SMG1: variants seen among roughly 807,000 people sequenced by gnomAD.
The protein encoded by SMG1 is SMG1 nonsense mediated mRNA decay associated PI3K related kinase.
A neutral mutation model predicts 419.9 loss-of-function variants in SMG1; 22 were observed. The observed-to-expected ratio is 0.05, with a 90% CI of 0.04 to 0.07. SMG1 has a LOEUF of 0.07. SMG1 is among the 10% of genes least tolerant of loss of function. The pLI is 1.00. For missense variants in SMG1, 3,185 were observed against 4,342.0 expected (o/e 0.73, Z 7.49); for synonymous variants, 1,538 against 1,553.5 (o/e 0.99, Z 0.23).
rs185098727 is a variant in SMG1 at position 18,894,660 on chromosome 16, C to T, written c.412+1392G>A. Among the ~76,000 whole-genome samples, 128 of 128,236 alleles carry T rather than the reference C, an allele frequency of 1.0e-3. 1 individual carries two copies. The highest frequency in any genetic ancestry group is 3.7e-3 in the African/African-American group (122 of 33,244). The allele number at this position is 128,236 out of a possible 152,430, so 84.1% of individuals were successfully genotyped here. ...GCACAAAGATTTTCACCAAGATACACAAAGCACACACACAGTATTAAAAAA... is the reference window on the plus strand; with the variant it reads ...GCACAAAGATTTTCACCAAGATACATAAAGCACACACACAGTATTAAAAAA... On this transcript the variant is annotated intron_variant, in intron 3 of 62. Transcript: ENST00000446231.
Position 18,806,057 on chromosome 16 carries a change from T to G in SMG1, c.*3512A>C, listed in dbSNP as rs1567298955. ...AATAGGCCCGGAAGACTTTGCAATT[T>G]AAAGTACTGCCTATAATACCCCAGA... On this transcript the variant is annotated 3_prime_UTR_variant, in exon 63 of 63. Transcript: ENST00000446231. 1 of 152,596 alleles carries G rather than the reference T, an allele frequency of 6.6e-6. No individual in the cohort carries two copies. The highest frequency in any genetic ancestry group is 1.5e-5 in the Non-Finnish European group (1 of 68,024). 9.5% of individuals were successfully genotyped at this position (152,596 alleles called of 1,614,324 possible).
intron 56 of SMG1, 132 bp from the exon 57 acceptor site, chr16:18,817,602 T>C: frequency 1.4e-6 from 1 of 735,278 alleles, no homozygotes; most frequent in Non-Finnish European, 2.2e-6. Context: ...CTGAAAATGT[T>C]TGGGAAATAG....
intron 3 of SMG1, among the ~76,000 whole-genome samples, chr16:18,894,555 C>T (rs73541362): frequency 0.066 from 9,995 of 151,860 alleles, 1,097 homozygotes; most frequent in African/African-American, 0.23. Context: ...AACAGCATAG[C>T]CTTTGAATTC....
At chr16:18,833,262 G>C in intron 50 of SMG1, 96 bp from the exon 51 acceptor site, 2 of 782,288 alleles carry the variant, frequency 2.6e-6, no homozygotes, top group Non-Finnish European at 4.1e-6. Flanking sequence ...GCAAACTTAT[G>C]TAACTATGCC....
intron 10 of SMG1, among the ~76,000 whole-genome samples, chr16:18,881,117 C>T (rs1268955663): frequency 5.5e-5 from 8 of 145,254 alleles, no homozygotes; most frequent in Non-Finnish European, 9.0e-5. Context: ...GGCTCTAGCT[C>T]CAAAAAAAAA....
chr16:18,916,768 T>G (rs150288469), intron 1 of SMG1, among the ~76,000 whole-genome samples: 1 of 152,062 alleles, frequency 6.6e-6, no homozygotes, highest in Non-Finnish European at 1.5e-5. Context: ...AACTTCAAGA[T>G]AGTCAAAGAC....
intron 56 of SMG1, among the ~76,000 whole-genome samples, chr16:18,817,975 C>T (rs934322339): frequency 5.3e-5 from 8 of 151,708 alleles, no homozygotes; most frequent in African/African-American, 1.7e-4. Context: ...AATTATGGCT[C>T]ACTGTAGCCT....
chr16:18,837,448 A>G lies in SMG1; in HGVS notation c.7414-5T>C, dbSNP rs770201926. 1.9e-6 allele frequency: 3 copies of G among 1,609,128 alleles called. No individual in the cohort carries two copies. The highest frequency in any genetic ancestry group is 2.2e-5 in the South Asian group (2 of 90,434). On this transcript the variant is annotated splice_polypyrimidine_tract_variant and splice_region_variant and intron_variant, in intron 45 of 62. Coordinates refer to ENST00000446231, the MANE Select transcript of SMG1 (RefSeq NM_015092.5). ...TCTATTCTTAAACCAGTTCACCTGT[A>G]AAAAGATATTACGATTAAGAAGACT... is the stretch of plus-strand genomic sequence containing the variant.
rs762633518 is a variant in SMG1, at chr16:18,828,135, G to C, written c.9637C>G (p.Gln3213Glu). ...GGGGGAGGTGTGACTGACATGGCTT[G>C]TGGTCTATTGATAAGTAGATCTTCA... Reference protein sequence around the residue: ...QHEDLLINRPQAMSVTPPPRS... With the variant: ...QHEDLLINRPEAMSVTPPPRS... Residue 3213 changes from glutamine to glutamate, a missense_variant, in exon 55 of 63, where the codon CAA (glutamine) becomes GAA (glutamate). Coordinates refer to ENST00000446231, the MANE Select transcript of SMG1 (RefSeq NM_015092.5). 6.2e-7 allele frequency: 1 copy of C among 1,613,370 alleles called. No individual in the cohort carries two copies.
intron 29 of SMG1, among the ~76,000 whole-genome samples, chr16:18,856,048 A>G (rs2034882430): frequency 6.6e-6 from 1 of 152,098 alleles, no homozygotes; most frequent in Non-Finnish European, 1.5e-5. Flanking sequence ...CGTTTTTTCT[A>G]ACCAAGTCAG....
At chr16:18,890,979 T>C (rs1251134879) in intron 4 of SMG1, 58 bp from the exon 5 acceptor site, 16 of 862,592 alleles carry the variant, frequency 1.9e-5, no homozygotes, top group Non-Finnish European at 2.7e-5. Context: ...AAGAATAGCA[T>C]TGTGTACTTT....
chr16:18,896,098 C>G lies in SMG1; in HGVS notation c.366G>C (p.Gln122His), dbSNP rs1027252281. The change falls in exon 3 of 63, where the codon CAG (glutamine) becomes CAC (histidine). Residue 122 changes from glutamine (Q) to histidine (H), a missense_variant. Physicochemically the swap from Gln to His is conservative, Grantham distance 24 (BLOSUM62 0). This residue lies in a region of SMG1 where 42 missense variants were observed against 100.1 expected (regional missense o/e 0.42). Transcript: ENST00000446231. Reference sequence around the variant, plus strand: ...TGGTGGCTAAAGCACGACTGCCATGCTGAACACTGGTGAACTCAGGGCTGG... The same window carrying G: ...TGGTGGCTAAAGCACGACTGCCATGGTGAACACTGGTGAACTCAGGGCTGG... The part of the protein sequence containing the change: ...NVTSPEFTSV[Q>H]HGSRALATKD... 8 of 1,604,234 alleles carry G rather than the reference C, an allele frequency of 5.0e-6. No individual in the cohort carries two copies. In the African/African-American group the frequency reaches 9.4e-5, roughly 19 times the overall value.
intron 1 of SMG1, among the ~76,000 whole-genome samples, chr16:18,920,911 G>A (rs1237966410): frequency 1.3e-5 from 2 of 152,098 alleles, no homozygotes; most frequent in Non-Finnish European, 1.5e-5. Flanking sequence ...GCCGAAGCCG[G>A]TGGATCACCT....
chr16:18,896,586 T>G (rs762320330), intron 2 of SMG1, among the ~76,000 whole-genome samples: 7 of 152,202 alleles, frequency 4.6e-5, no homozygotes, highest in Non-Finnish European at 8.8e-5. Flanking sequence ...AAACTGCATT[T>G]ATGAATTATG....
intron 1 of SMG1, among the ~76,000 whole-genome samples, chr16:18,908,384 A>T (rs2141943083): frequency 6.6e-6 from 1 of 150,744 alleles, no homozygotes; most frequent in East Asian, 1.9e-4. Flanking sequence ...AAAAAAGGCC[A>T]AACATAGCCC....
chr16:18,902,048 G>A (rs2037369253), intron 1 of SMG1, among the ~76,000 whole-genome samples: 3 of 151,964 alleles, frequency 2.0e-5, no homozygotes, highest in Admixed American at 1.3e-4. Flanking sequence ...TGGGGGCTTT[G>A]AGTCACATGG....
At chr16:18,861,909 G>T (rs2035239462) in intron 25 of SMG1, among the ~76,000 whole-genome samples, 1 of 152,132 alleles carries the variant, frequency 6.6e-6, no homozygotes, top group South Asian at 2.1e-4. Context: ...CAGAGAAAAG[G>T]TAAGGGCCAG....
At position 18,808,866 on chromosome 16, in the gene SMG1, T is replaced by C. The variant is rs2031100027; in HGVS notation, c.*703A>G. 6.6e-6 allele frequency: 1 copy of C among 152,594 alleles called. No individual in the cohort carries two copies. The highest frequency in any genetic ancestry group is 2.4e-5 in the African/African-American group (1 of 41,422). The allele number at this position is 152,594 out of a possible 1,614,324, so 9.5% of individuals were successfully genotyped here. The stretch of plus-strand genomic sequence containing the variant: ...CTGAAATAAAAGTGAATTTGAAAGA[T>C]GGCTAATCTACTAGATTAGGTAAAG... On this transcript the variant is annotated 3_prime_UTR_variant, in exon 63 of 63. Coordinates refer to ENST00000446231, the MANE Select transcript of SMG1 (RefSeq NM_015092.5).
rs1454416417 is a variant in SMG1, at chr16:18,859,623, T to A, written c.3886A>T (p.Ser1296Cys). ...AAAGCAGTTGCCAAACAAACAGAAC[T>A]TCTTAACAATTGAACTTCAATGGAT... ...QKSIEVQLLR[S>C]SVCLATALNP... is the part of the protein sequence containing the mutation. Residue 1296 changes from serine to cysteine, a missense_variant, in exon 27 of 63, where the codon AGT becomes TGT. Ser to Cys is a moderately radical substitution (Grantham distance 112, BLOSUM62 -1). Transcript: ENST00000446231. 7 of 1,612,108 alleles carry A rather than the reference T, an allele frequency of 4.3e-6. No homozygotes were observed. The South Asian group carries it at 5.5e-5, about 13-fold the overall frequency.
Sources: allele counts gnomAD v4.1 joint callset (sites outside exome capture counted in the v4.1 genomes callset), GRCh38; gene constraint gnomAD v4.1.1; regional missense constraint gnomAD v4.1.1; transcripts MANE v1.5; gene names NCBI Gene and HGNC (gene_info 2026-07-23, HGNC 2026-07-21).